The following CLNK variants were observed in gnomAD, a reference collection of about 807,000 sequenced individuals.
CLNK encodes the protein cytokine-dependent hematopoietic cell linker.
CLNK carries 74 observed loss-of-function variants against 68.6 expected under a neutral mutation model. The observed-to-expected ratio is 1.08, with a 90% CI of 0.89 to 1.31. The LOEUF is 1.31. CLNK is among the 50% of genes most tolerant of loss of function. The probability of loss-of-function intolerance (pLI) is 0.00; values close to 1 mark genes in which losing one functional copy is unlikely to be tolerated. For missense variants in CLNK, 553 were observed against 515.3 expected, an observed-to-expected ratio of 1.07 and a Z score of -0.71; for synonymous variants, 198 against 172.2, an observed-to-expected ratio of 1.15 and a Z score of -1.17.
At chr4:10,603,483 A>G (rs1721669043) in intron 2 of CLNK, among the ~76,000 whole-genome samples, 1 of 152,182 alleles carries the variant, frequency 6.6e-6, no homozygotes, top group South Asian at 2.1e-4. Flanking sequence ...TGTTCAGCAC[A>G]TGTCCCATCT....
At chr4:10,600,413 A>G (rs1003272604) in intron 2 of CLNK, among the ~76,000 whole-genome samples, 36 of 152,224 alleles carry the variant, frequency 2.4e-4, no homozygotes, top group Non-Finnish European at 4.6e-4. Context: ...ACTAGGTAAT[A>G]GGGTATAGTA....
chr4:10,531,670 A>G, intron 12 of CLNK: 1 of 453,954 alleles, frequency 2.2e-6, no homozygotes, highest in South Asian at 1.6e-5. Flanking sequence ...TGAACCCCTG[A>G]CCTCAGGTGA....
intron 4 of CLNK, among the ~76,000 whole-genome samples, chr4:10,577,051 G>A (rs1261878402): frequency 6.6e-6 from 1 of 152,226 alleles, no homozygotes; most frequent in East Asian, 1.9e-4. Context: ...AGAATTCCCA[G>A]TGGGTCCCAT....
intron 8 of CLNK, among the ~76,000 whole-genome samples, chr4:10,555,258 G>A (rs999154638): frequency 2.0e-5 from 3 of 151,210 alleles, no homozygotes; most frequent in Non-Finnish European, 2.9e-5. Flanking sequence ...ATTCATTCTT[G>A]TATATGGTAT....
chr4:10,621,498 A>G (rs145567870), intron 2 of CLNK, among the ~76,000 whole-genome samples: 178 of 152,300 alleles, frequency 1.2e-3, no homozygotes, highest in Non-Finnish European at 1.7e-3. Context: ...ATGATCTTCA[A>G]TAGACTTGGG....
At chr4:10,545,460 G>A (rs1719189417) in intron 8 of CLNK, among the ~76,000 whole-genome samples, 1 of 152,108 alleles carries the variant, frequency 6.6e-6, no homozygotes, top group African/African-American at 2.4e-5. Flanking sequence ...GGGCCTCCAA[G>A]GCCTCGGGAC....
intron 3 of CLNK, among the ~76,000 whole-genome samples, chr4:10,590,173 T>C (rs2108840304): frequency 6.6e-6 from 1 of 152,376 alleles, no homozygotes; most frequent in Admixed American, 6.5e-5. Flanking sequence ...TTAAAGCTCA[T>C]TACAAATACA....
the CLNK span, among the ~76,000 whole-genome samples, chr4:10,699,116 G>C: frequency 2.0e-5 from 3 of 150,634 alleles, no homozygotes; most frequent in African/African-American, 7.3e-5. Context: ...CTAGCTTGCT[G>C]ATGGCAGATC....
intron 7 of CLNK, among the ~76,000 whole-genome samples, chr4:10,564,126 G>A (rs1194260468): frequency 6.8e-6 from 1 of 147,754 alleles, no homozygotes; most frequent in Non-Finnish European, 1.5e-5. Context: ...TTTTGAGACG[G>A]AGTCCCACTC....
chr4:10,703,010 A>AGGT, the CLNK span, among the ~76,000 whole-genome samples: 1 of 152,144 alleles, frequency 6.6e-6, no homozygotes, highest in Non-Finnish European at 1.5e-5. Context: ...ATGTCATATG[A>AGGT]GGTGCGTTTC....
At chr4:10,699,428 G>A in the CLNK span, among the ~76,000 whole-genome samples, 1 of 131,876 alleles carries the variant, frequency 7.6e-6, no homozygotes, top group Non-Finnish European at 1.6e-5. Flanking sequence ...TACATAAAAT[G>A]ACATTGTATT....
intron 11 of CLNK, among the ~76,000 whole-genome samples, chr4:10,537,265 G>C (rs1718794572): frequency 6.6e-6 from 1 of 152,174 alleles, no homozygotes; most frequent in South Asian, 2.1e-4. Flanking sequence ...ATCACCTGAG[G>C]TCAGGAGTTC....
intron 2 of CLNK, among the ~76,000 whole-genome samples, chr4:10,667,342 T>C (rs1577207834): frequency 2.0e-5 from 3 of 151,532 alleles, no homozygotes; most frequent in African/African-American, 4.8e-5. Flanking sequence ...TTTTTCACTA[T>C]AAATATTTCT....
intron 2 of CLNK, among the ~76,000 whole-genome samples, chr4:10,614,174 AT>A (rs1231216525): frequency 3.3e-5 from 5 of 152,200 alleles, no homozygotes; most frequent in African/African-American, 1.2e-4. Flanking sequence ...CCCCTGGCAG[AT>A]GTCTGGGTGA....
chr4:10,497,525 A>G (rs1393011293), intron 18 of CLNK, among the ~76,000 whole-genome samples: 1 of 152,248 alleles, frequency 6.6e-6, no homozygotes, highest in Non-Finnish European at 1.5e-5. Context: ...AGAGCAGCTC[A>G]TCTGGAGGCG....
chr4:10,589,101 A>G (rs867599731), intron 3 of CLNK, among the ~76,000 whole-genome samples: 1 of 152,240 alleles, frequency 6.6e-6, no homozygotes, highest in Non-Finnish European at 1.5e-5. Flanking sequence ...TTCTTGAAGT[A>G]TACACACTTA....
At chr4:10,592,398 T>C (rs912788222) in intron 3 of CLNK, among the ~76,000 whole-genome samples, 3 of 152,068 alleles carry the variant, frequency 2.0e-5, no homozygotes, top group Admixed American at 6.6e-5. Context: ...GCTCAGACAT[T>C]CCTCTAGCGG....
intron 3 of CLNK, 68 bp from the exon 4 acceptor site, chr4:10,585,023 G>C (rs1720920240): frequency 6.5e-7 from 1 of 1,541,308 alleles, no homozygotes; most frequent in Admixed American, 1.7e-5. Context: ...CGCCACATAG[G>C]AACAGGCAGT....
Position 10,487,264 on chromosome 4 carries a change from G to C in CLNK, c.*3203C>G, listed in dbSNP as rs1716386077. 6.6e-6 allele frequency: 1 copy of C among 152,180 alleles called. No homozygotes were observed. Among genetic ancestry groups the C allele is most frequent in the African/African-American group, 2.4e-5 (1 of 41,444 alleles). The allele number at this position is 152,180 out of a possible 1,614,324, so 9.4% of individuals were successfully genotyped here. A position where few individuals can be genotyped will look rare whatever the true frequency, so the allele number is the denominator to read the frequency against. On this transcript the variant is annotated 3_prime_UTR_variant, in exon 19 of 19. Transcript: ENST00000226951. ...CAGGTAGACCATGAATAGGATAATT[G>C]CATATGGAGACCTTGGTTCCAGTCG...
Sources: gnomAD v4.1 joint callset for allele counts (sites outside exome capture counted in the v4.1 genomes callset) on GRCh38, gnomAD v4.1.1 for gene constraint, MANE v1.5 for transcripts, NCBI Gene and HGNC (gene_info 2026-07-23, HGNC 2026-07-21) for gene names.